Variants in CNTN4 observed in about 807,000 individuals in gnomAD.
CNTN4 encodes contactin 4, also known as contactin-4.
CNTN4 carries 77 observed loss-of-function variants against 122.5 expected under a neutral mutation model. The observed-to-expected ratio is 0.63, with a 90% CI of 0.52 to 0.76. The LOEUF is 0.76. Ranked by LOEUF, CNTN4 falls within the 30% of genes least tolerant of loss-of-function variation. The pLI is 0.00. For synonymous variants in CNTN4, 512 were observed against 447.0 expected (o/e 1.15, Z -1.83); for missense variants, 1,256 against 1,259.1 (o/e 1.00, Z 0.04).
intron 16 of CNTN4, among the ~76,000 whole-genome samples, chr3:3,034,304 TAATG>T (rs1699414607): frequency 1.3e-5 from 2 of 152,166 alleles, no homozygotes; most frequent in African/African-American, 4.8e-5. Context: ...TATAAATAAA[TAATG>T]AATTAATGAA....
At chr3:2,818,730 T>C (rs1015276770) in intron 6 of CNTN4, among the ~76,000 whole-genome samples, 1 of 152,236 alleles carries the variant, frequency 6.6e-6, no homozygotes, top group African/African-American at 2.4e-5. Context: ...ATCTTTGGGT[T>C]TATAAATGTC....
chr3:2,766,397 G>A (rs1199209839), intron 6 of CNTN4, among the ~76,000 whole-genome samples: 1 of 152,080 alleles, frequency 6.6e-6, no homozygotes, highest in Non-Finnish European at 1.5e-5. Context: ...TATATATGAT[G>A]GAATACCACT....
intron 3 of CNTN4, among the ~76,000 whole-genome samples, chr3:2,343,678 T>C (rs1202192267): frequency 2.6e-5 from 4 of 152,266 alleles, no homozygotes; most frequent in Non-Finnish European, 5.9e-5. Flanking sequence ...TTTGTTGCTT[T>C]GTGTGTTTTG....
chr3:2,526,252 A>G (rs890924473), intron 3 of CNTN4, among the ~76,000 whole-genome samples: 1 of 152,072 alleles, frequency 6.6e-6, no homozygotes, highest in Admixed American at 6.6e-5. Context: ...AACTGAGAAT[A>G]CTCTGTTTCA....
intron 3 of CNTN4, among the ~76,000 whole-genome samples, chr3:2,431,185 C>G (rs2048056018): frequency 6.6e-6 from 1 of 152,062 alleles, no homozygotes; most frequent in South Asian, 2.1e-4. Flanking sequence ...AGGAAAGGTT[C>G]TAAAAGGTAT....
chr3:2,164,581 A>T (rs578046354), intron 2 of CNTN4, among the ~76,000 whole-genome samples: 2 of 152,312 alleles, frequency 1.3e-5, no homozygotes, highest in Non-Finnish European at 2.9e-5. Context: ...ACCATGATGG[A>T]ATTTTGAATT....
intron 14 of CNTN4, among the ~76,000 whole-genome samples, chr3:2,998,824 T>G (rs1695774303): frequency 6.6e-6 from 1 of 152,204 alleles, no homozygotes; most frequent in African/African-American, 2.4e-5. Context: ...ATTCCCTTTT[T>G]AATGGAAATA....
At chr3:2,800,976 C>G (rs2092333703) in intron 6 of CNTN4, among the ~76,000 whole-genome samples, 2 of 152,226 alleles carry the variant, frequency 1.3e-5, no homozygotes, top group African/African-American at 2.4e-5. Context: ...TTCCTTCCTA[C>G]TCCCAGCTCT....
chr3:2,381,811 C>G (rs910439192), intron 3 of CNTN4, among the ~76,000 whole-genome samples: 17 of 151,862 alleles, frequency 1.1e-4, no homozygotes, highest in Non-Finnish European at 2.4e-4. Context: ...ATGTTTTTAG[C>G]TCATTGAAAA....
chr3:2,492,956 TA>T (rs1191457772), intron 3 of CNTN4, among the ~76,000 whole-genome samples: 2 of 152,074 alleles, frequency 1.3e-5, no homozygotes, highest in African/African-American at 4.8e-5. Context: ...TCTATGAACA[TA>T]AAAAAATTGA....
intron 6 of CNTN4, among the ~76,000 whole-genome samples, chr3:2,786,912 C>T (rs2091852901): frequency 6.6e-6 from 1 of 152,090 alleles, no homozygotes; most frequent in South Asian, 2.1e-4. Flanking sequence ...ACCTCAAATG[C>T]AGTAAGTAAC....
intron 2 of CNTN4, among the ~76,000 whole-genome samples, chr3:2,173,750 G>A (rs1369294182): frequency 6.6e-6 from 1 of 152,010 alleles, no homozygotes; most frequent in Non-Finnish European, 1.5e-5. Flanking sequence ...AATAATAATA[G>A]TTTACCTCAT....
chr3:2,320,840 A>G (rs1426477094), intron 2 of CNTN4, among the ~76,000 whole-genome samples: 1 of 152,178 alleles, frequency 6.6e-6, no homozygotes, highest in African/African-American at 2.4e-5. Context: ...CTTTAAGGGA[A>G]CAGCATAAGT....
intron 2 of CNTN4, among the ~76,000 whole-genome samples, chr3:2,252,211 G>C (rs928493327): frequency 6.6e-6 from 1 of 151,898 alleles, no homozygotes; most frequent in Non-Finnish European, 1.5e-5. Flanking sequence ...TAGTTGAGTG[G>C]TGAAACTATA....
intron 6 of CNTN4, among the ~76,000 whole-genome samples, chr3:2,808,600 C>G (rs909471918): frequency 6.6e-6 from 1 of 151,952 alleles, no homozygotes; most frequent in Non-Finnish European, 1.5e-5. Flanking sequence ...AAATAATAGG[C>G]CCATGCAATT....
chr3:2,170,309 G>C (rs551311426), intron 2 of CNTN4, among the ~76,000 whole-genome samples: 1,773 of 151,782 alleles, frequency 0.012, 19 homozygotes, highest in Admixed American at 0.026. Context: ...GACACACCAA[G>C]ACTCCGTCTC....
intron 4 of CNTN4, among the ~76,000 whole-genome samples, chr3:2,630,300 A>G (rs943798130): frequency 1.3e-5 from 2 of 152,138 alleles, no homozygotes; most frequent in African/African-American, 2.4e-5. Context: ...TTAGCCAGGC[A>G]TGGGGGTACA....
intron 4 of CNTN4, among the ~76,000 whole-genome samples, chr3:2,705,382 A>T (rs2086602655): frequency 7.2e-6 from 1 of 139,030 alleles, no homozygotes; most frequent in East Asian, 2.0e-4. Flanking sequence ...AAAAAAAAAA[A>T]GAATTCTCAG....
intron 6 of CNTN4, among the ~76,000 whole-genome samples, chr3:2,770,582 T>G (rs1204453912): frequency 6.6e-6 from 1 of 152,236 alleles, no homozygotes. Flanking sequence ...CAGATCTTTC[T>G]TGCCTGGCTT....
Sources: allele counts gnomAD v4.1 joint callset (sites outside exome capture counted in the v4.1 genomes callset), GRCh38; gene constraint gnomAD v4.1.1; transcripts MANE v1.5; gene names NCBI Gene and HGNC (gene_info 2026-07-23, HGNC 2026-07-21).